Variants in ABL1 observed in about 807,000 individuals in gnomAD.
ABL1 encodes the protein ABL proto-oncogene 1, non-receptor tyrosine kinase.
In ABL1, 11 loss-of-function variants were observed where a neutral mutation model predicts 94.7. The ratio of observed to expected loss-of-function variants is 0.12; its 90% CI spans 0.07 to 0.19. The LOEUF (loss-of-function observed/expected upper bound fraction) is 0.19. ABL1 is among the 10% of genes least tolerant of loss of function. ABL1 has a pLI of 1.00. For synonymous variants in ABL1, 656 were observed against 622.4 expected, an observed-to-expected ratio of 1.05 and a Z score of -0.80; for missense variants, 1,082 against 1,489.4, an observed-to-expected ratio of 0.73 and a Z score of 4.50.
intron 1 of ABL1, among the ~76,000 whole-genome samples, chr9:130,852,694 G>A (rs1012670913): frequency 2.0e-5 from 3 of 151,980 alleles, no homozygotes; most frequent in African/African-American, 7.3e-5. Context: ...AAAAAGGCAA[G>A]AAGAAACTTC....
chr9:130,885,053 G>A lies in ABL1; in HGVS notation c.2763G>A (p.Glu921=), dbSNP rs1300861104. 1 of 1,610,248 alleles carries A rather than the reference G, an allele frequency of 6.2e-7. No individual in the cohort carries two copies. Among genetic ancestry groups the A allele is most frequent in the Non-Finnish European group, 8.5e-7 (1 of 1,178,416 alleles). ...GGKPSQSPSQ[E]AAGEAVLGAK... is the part of the protein sequence containing the mutation. Reference sequence around the variant, plus strand: ...AGCCCTCGCAGAGCCCGAGCCAGGAGGCGGCCGGGGAGGCAGTCCTGGGCG... The same window carrying A: ...AGCCCTCGCAGAGCCCGAGCCAGGAAGCGGCCGGGGAGGCAGTCCTGGGCG... Residue 921 remains glutamate, a synonymous_variant, in exon 11 of 11, where the codon GAG becomes GAA. Transcript: ENST00000318560.
In ABL1 at chr9:130,886,276, G is replaced by A. The variant is rs1021130496; in HGVS notation, c.*593G>A. 2 of 235,400 alleles carry A rather than the reference G, an allele frequency of 8.5e-6. No individual in the cohort carries two copies. Among genetic ancestry groups the A allele is most frequent in the Non-Finnish European group, 1.7e-5 (2 of 119,462 alleles). 14.6% of individuals were successfully genotyped at this position (235,400 alleles called of 1,614,324 possible). ...CTGCTGCCCGGGGTGGGGTGCACTC[G>A]CCATTTCCTCACGTGCAGGACAGCT... On this transcript the variant is annotated 3_prime_UTR_variant, in exon 11 of 11. Transcript: ENST00000318560.
At chr9:130,834,177 A>G (rs1830528942), upstream of ABL1, 2 of 436,980 alleles carry the variant, frequency 4.6e-6, no homozygotes, top group Non-Finnish European at 4.7e-6. Context: ...ACGCAGATGC[A>G]ATACAGTTAA....
chr9:130,810,084 A>G (rs1021498377), intron 1 of ABL1, among the ~76,000 whole-genome samples: 2 of 152,240 alleles, frequency 1.3e-5, no homozygotes, highest in African/African-American at 4.8e-5. Flanking sequence ...CATACAACCA[A>G]TAACTGACCA....
intron 1 of ABL1, among the ~76,000 whole-genome samples, chr9:130,763,995 G>A (rs909352717): frequency 1.3e-5 from 2 of 152,198 alleles, no homozygotes; most frequent in African/African-American, 4.8e-5. Flanking sequence ...GGAACGGGCA[G>A]AAGAGGCTTC....
intron 10 of ABL1, among the ~76,000 whole-genome samples, chr9:130,883,087 C>T (rs1588282362): frequency 6.6e-6 from 1 of 152,158 alleles, no homozygotes; most frequent in Non-Finnish European, 1.5e-5. Flanking sequence ...TCCCTGAGGC[C>T]AGGCAAGTCC....
chr9:130,859,677 C>CTTTTTTTTTT lies in ABL1; in HGVS notation c.550-3066_550-3057dup, dbSNP rs869234280. On this transcript the variant is annotated intron_variant, in intron 3 of 10. Transcript: ENST00000318560. ...AAACGCTGTTTCTTTTCTTTCTTTCCTTTTTTTTTTTTTTTTTTTTTTTTT... is the reference window on the plus strand; with the variant it reads ...AAACGCTGTTTCTTTTCTTTCTTTCCTTTTTTTTTTTTTTTTTTTTTTTTTTTTTTTTTTT... 3.5e-3 allele frequency among the ~76,000 whole-genome samples: 278 copies of CTTTTTTTTTT among 78,424 alleles called. 25 individuals are homozygous for CTTTTTTTTTT. The highest frequency in any genetic ancestry group is 5.0e-3 in the Admixed American group (33 of 6,652). The allele number at this position is 78,424 out of a possible 152,430, so 51.4% of individuals were successfully genotyped here. A position where few individuals can be genotyped will look rare whatever the true frequency, so the allele number is the denominator to read the frequency against.
rs919839985 is a variant in ABL1 at position 130,782,998 on chromosome 9, T to G, written c.136+68543T>G. Among the ~76,000 whole-genome samples, 5 of 152,314 alleles carry G rather than the reference T, an allele frequency of 3.3e-5. No homozygotes were observed. The East Asian group carries it at 9.6e-4, about 29-fold the overall frequency. ...GTCCACTTGGAAATTGGCTATATAC[T>G]CACGATAGCCAAGAACAAGAACACT... On this transcript the variant is annotated intron_variant, in intron 1 of 10. Coordinates refer to the ABL1 transcript ENST00000372348.
chr9:130,720,278 G>A (rs556757641), intron 1 of ABL1, among the ~76,000 whole-genome samples: 1 of 152,348 alleles, frequency 6.6e-6, no homozygotes, highest in East Asian at 1.9e-4. Context: ...ATAACATAGA[G>A]AAGGGGACAG....
intron 1 of ABL1, among the ~76,000 whole-genome samples, chr9:130,749,699 C>T (rs1167960223): frequency 6.6e-6 from 1 of 152,130 alleles, no homozygotes; most frequent in African/African-American, 2.4e-5. Flanking sequence ...TTTGCTCTCT[C>T]CCAGGTGGGT....
rs869234280 is a variant in ABL1 at position 130,859,677 on chromosome 9, C to CTTTTTTTTTTTTTTTTTTTT, written c.550-3076_550-3057dup. Among the ~76,000 whole-genome samples, 5 of 78,460 alleles carry CTTTTTTTTTTTTTTTTTTTT rather than the reference C, an allele frequency of 6.4e-5. 1 individual carries two copies. The highest frequency in any genetic ancestry group is 4.1e-4 in the South Asian group (1 of 2,464). 51.5% of individuals were successfully genotyped at this position (78,460 alleles called of 152,430 possible). On this transcript the variant is annotated intron_variant, in intron 3 of 10. Coordinates refer to ENST00000318560, the MANE Select transcript of ABL1 (RefSeq NM_005157.6). ...AAACGCTGTTTCTTTTCTTTCTTTCCTTTTTTTTTTTTTTTTTTTTTTTTT... is the reference window on the plus strand; with the variant it reads ...AAACGCTGTTTCTTTTCTTTCTTTCCTTTTTTTTTTTTTTTTTTTTTTTTTTTTTTTTTTTTTTTTTTTTT...
chr9:130,852,911 G>T (rs1356532800), intron 1 of ABL1, among the ~76,000 whole-genome samples: 1 of 151,828 alleles, frequency 6.6e-6, no homozygotes, highest in Non-Finnish European at 1.5e-5. Flanking sequence ...GGTCGTGGGG[G>T]CAAGAAAGCT....
chr9:130,885,470 C>T lies in ABL1; in HGVS notation c.3180C>T (p.Gly1060=). The change falls in exon 11 of 11, where the codon GGC becomes GGT. Residue 1060 remains glycine, a synonymous_variant. Transcript: ENST00000318560. The part of the protein sequence containing the change: ...MASHSAVLEA[G]KNLYTFCVSY... Reference sequence around the variant, plus strand: ...GCCACAGCGCAGTGCTGGAGGCCGGCAAAAACCTCTACACGTTCTGCGTGA... The same window carrying T: ...GCCACAGCGCAGTGCTGGAGGCCGGTAAAAACCTCTACACGTTCTGCGTGA... 1 of 1,614,064 alleles carries T rather than the reference C, an allele frequency of 6.2e-7. No homozygotes were observed. The highest frequency in any genetic ancestry group is 8.5e-7 in the Non-Finnish European group (1 of 1,180,042).
Position 130,863,409 on chromosome 9 carries a change from G to A in ABL1, c.822+374G>A, listed in dbSNP as rs190376105. Among the ~76,000 whole-genome samples, 95 of 152,236 alleles carry A rather than the reference G, an allele frequency of 6.2e-4. No individual in the cohort carries two copies. Among genetic ancestry groups the A allele is most frequent in the African/African-American group, 2.1e-3 (89 of 41,546 alleles). On this transcript the variant is annotated intron_variant, in intron 4 of 10. Coordinates refer to ENST00000318560, the MANE Select transcript of ABL1 (RefSeq NM_005157.6). This position sits in a 1 kb window ranked among gnomAD's most constrained non-coding sequence, Gnocchi z 4.3. ...TTAAGGAGGAAAAAAAGATCTCTGAGTTTTGAAAGAAGATTTAACCAAAAT... is the reference window on the plus strand; with the variant it reads ...TTAAGGAGGAAAAAAAGATCTCTGAATTTTGAAAGAAGATTTAACCAAAAT...
intron 1 of ABL1, among the ~76,000 whole-genome samples, chr9:130,789,094 A>C (rs1422592084): frequency 6.6e-6 from 1 of 152,208 alleles, no homozygotes; most frequent in Non-Finnish European, 1.5e-5. Flanking sequence ...CCTGCTCCTC[A>C]TGAAACATAA....
chr9:130,743,754 G>A (rs1380872082), intron 1 of ABL1, among the ~76,000 whole-genome samples: 1 of 152,164 alleles, frequency 6.6e-6, no homozygotes, highest in Non-Finnish European at 1.5e-5. Context: ...AAAGGGAGCA[G>A]GCACAAGCTT....
chr9:130,838,553 A>T (rs2132922396), intron 1 of ABL1, among the ~76,000 whole-genome samples: 1 of 151,046 alleles, frequency 6.6e-6, no homozygotes, highest in African/African-American at 2.5e-5. Context: ...TCCTTCTAGA[A>T]ATACTGTGTG....
intron 1 of ABL1, among the ~76,000 whole-genome samples, chr9:130,841,936 T>TAGAGAGAG (rs35461924): frequency 7.3e-6 from 1 of 137,324 alleles, no homozygotes; most frequent in African/African-American, 2.7e-5. Context: ...GGGAAGGAGA[T>TAGAGAGAG]AGAGAGAGAG....
chr9:130,819,244 C>T (rs1378989838), intron 1 of ABL1, among the ~76,000 whole-genome samples: 2 of 151,984 alleles, frequency 1.3e-5, no homozygotes, highest in African/African-American at 2.4e-5. Context: ...CCCAGCTACT[C>T]GGGAGGCTGA....
Sources: gnomAD v4.1 joint callset for allele counts (sites outside exome capture counted in the v4.1 genomes callset) on GRCh38, gnomAD v4.1.1 for gene constraint, Gnocchi (gnomAD v3.1) non-coding constraint, MANE v1.5 for transcripts, NCBI Gene and HGNC (gene_info 2026-07-23, HGNC 2026-07-21) for gene names.